NRAP: variants seen among roughly 807,000 people sequenced by gnomAD.
The protein encoded by NRAP is nebulin-related-anchoring protein.
Under a neutral mutation model 225.9 loss-of-function variants are expected in NRAP, and 189 were observed. The ratio of observed to expected loss-of-function variants is 0.84; its 90% CI spans 0.74 to 0.94. NRAP has a LOEUF of 0.94. Among genes scored for constraint, NRAP ranks in the 40% least tolerant of loss-of-function variants. The pLI is 0.00. For missense variants in NRAP, 2,176 were observed against 2,168.7 expected, an observed-to-expected ratio of 1.00 and a Z score of -0.07; for synonymous variants, 769 against 790.7, an observed-to-expected ratio of 0.97 and a Z score of 0.46.
intron 10 of NRAP, among the ~76,000 whole-genome samples, chr10:113,646,165 T>C (rs868316888): frequency 6.6e-6 from 1 of 152,300 alleles, no homozygotes; most frequent in South Asian, 2.1e-4. Context: ...TTATACTTTA[T>C]ACTCTAATTC....
At chr10:113,650,620 TC>T in intron 7 of NRAP, 75 bp from the exon 8 acceptor site, 1 of 974,698 alleles carries the variant, frequency 1.0e-6, no homozygotes, top group Non-Finnish European at 1.6e-6. Context: ...TGCTAAGGGT[TC>T]CATGACATCC....
intron 32 of NRAP, among the ~76,000 whole-genome samples, chr10:113,607,399 C>CAAAAAAAAAAAAAAAAAAAA (rs543627940): frequency 6.7e-4 from 46 of 68,600 alleles, no homozygotes; most frequent in Non-Finnish European, 8.8e-4. Context: ...GAAACTCCGT[C>CAAAAAAAAAAAAAAAAAAAA]AAAAAAAAAA....
Position 113,663,346 on chromosome 10 carries a change from A to G in NRAP, c.167+6T>C, listed in dbSNP as rs1850811087. On this transcript the variant is annotated splice_donor_region_variant and intron_variant, in intron 2 of 41. Transcript: ENST00000359988. ...AGAGGTAGTGGTGGGGGCATCAAAC[A>G]CTTACGCGTGACAGTACGGCTTTTT... 6.4e-7 allele frequency: 1 copy of G among 1,574,346 alleles called. No homozygotes were observed. Among genetic ancestry groups the G allele is most frequent in the Admixed American group, 1.7e-5 (1 of 59,920 alleles).
chr10:113,626,697 T>C (rs560535971), intron 20 of NRAP, among the ~76,000 whole-genome samples: 1 of 152,238 alleles, frequency 6.6e-6, no homozygotes, highest in East Asian at 1.9e-4. Flanking sequence ...CATGGTGTTA[T>C]CACAATTGTC....
At position 113,597,089 on chromosome 10, in the gene NRAP, A is replaced by G. The variant is rs1846324381; in HGVS notation, c.4428T>C (p.Asn1476=). ...VHAKNSYMHC[N]ERMYRSGDAE... is the part of the protein sequence containing the mutation. ...TGAATGACAAGAAAGGACCCACCTC[A>G]TTGCAGTGCATATAGCTGTTCTTGG... Residue 1476 remains asparagine (N), a synonymous_variant, in exon 37 of 42, where the codon AAT becomes AAC. Coordinates refer to ENST00000359988, the MANE Select transcript of NRAP (RefSeq NM_198060.4). 1 of 1,605,782 alleles carries G rather than the reference A, an allele frequency of 6.2e-7. No homozygotes were observed. The highest frequency in any genetic ancestry group is 2.2e-5 in the East Asian group (1 of 44,836).
Position 113,629,886 on chromosome 10 carries a change from G to A in NRAP, c.1843-101C>T, listed in dbSNP as rs574563860. 4.0e-4 allele frequency: 313 copies of A among 776,748 alleles called. 4 individuals are homozygous for A. The South Asian group carries it at 4.9e-3, about 12-fold the overall frequency. The allele number at this position is 776,748 out of a possible 1,614,324, so 48.1% of individuals were successfully genotyped here. A position where few individuals can be genotyped will look rare whatever the true frequency, so the allele number is the denominator to read the frequency against. The stretch of plus-strand genomic sequence containing the variant: ...AAGATTTCCGGGCTTTCGGGAGCAG[G>A]AGAATCGGCACTCTGGGCACTGCCA... On this transcript the variant is annotated intron_variant, in intron 18 of 41. Transcript: ENST00000359988.
chr10:113,606,079 C>T, intron 33 of NRAP, 99 bp downstream of exon 33: 2 of 947,160 alleles, frequency 2.1e-6, no homozygotes, highest in Non-Finnish European at 3.4e-6. Flanking sequence ...TTTTAAAAAG[C>T]TTCTGTGAAG....
At chr10:113,614,111 G>A in intron 29 of NRAP, 72 bp downstream of exon 29, 1 of 942,848 alleles carries the variant, frequency 1.1e-6, no homozygotes, top group Non-Finnish European at 1.8e-6. Context: ...GGACAAATGA[G>A]GTTAGGTTGC....
chr10:113,623,589 C>T lies in NRAP; in HGVS notation c.2397G>A (p.Glu799=). The T allele has an allele frequency of 6.2e-7, 1 of 1,614,042 alleles. No individual in the cohort carries two copies. The highest frequency in any genetic ancestry group is 8.5e-7 in the Non-Finnish European group (1 of 1,179,926). The stretch of plus-strand genomic sequence containing the variant: ...GGAAGGTCAAGGAATCAAGACGCAG[C>T]TCAAACCCTTTTGCTTTCTGGTTTT... ...SWENQKAKGF[E]LRLDSLTFLA... Residue 799 remains glutamate (E), a synonymous_variant, in exon 23 of 42, where the codon GAG becomes GAA. Coordinates refer to ENST00000359988, the MANE Select transcript of NRAP (RefSeq NM_198060.4).
At chr10:113,606,701 C>T (rs555641313) in intron 32 of NRAP, among the ~76,000 whole-genome samples, 2 of 152,316 alleles carry the variant, frequency 1.3e-5, no homozygotes, top group South Asian at 4.2e-4. Flanking sequence ...AGGATCCTTT[C>T]CACAGGTGAA....
intron 20 of NRAP, among the ~76,000 whole-genome samples, chr10:113,626,362 T>C (rs1326725724): frequency 6.6e-6 from 1 of 152,224 alleles, no homozygotes; most frequent in Admixed American, 6.5e-5. Flanking sequence ...ATGGGAAATG[T>C]AATTTTCTTC....
rs1014033 is a variant in NRAP, at chr10:113,597,732, A to G, written c.4332+237T>C. On this transcript the variant is annotated intron_variant, in intron 36 of 41. Transcript: ENST00000359988. ...GGGCCAGTTTAGATAACGATTGTAC[A>G]AAATGTATTTGTTGAGAACTTTCTA... Among the ~76,000 whole-genome samples the G allele has an allele frequency of 9.8e-3, 1,490 of 152,334 alleles. 26 individuals carry two copies. The highest frequency in any genetic ancestry group is 0.034 in the African/African-American group (1,430 of 41,568).
At position 113,622,198 on chromosome 10, in the gene NRAP, A is replaced by G. The variant is rs559099958; in HGVS notation, c.2458-18T>C. On this transcript the variant is annotated intron_variant, in intron 23 of 41. Coordinates refer to ENST00000359988, the MANE Select transcript of NRAP (RefSeq NM_198060.4). Reference sequence around the variant, plus strand: ...TACTTCACCTAAATAAGAGGAATAGAGCAGGGATACATTAGAACCTCCTAA... The same window carrying G: ...TACTTCACCTAAATAAGAGGAATAGGGCAGGGATACATTAGAACCTCCTAA... 26 of 1,571,642 alleles carry G rather than the reference A, an allele frequency of 1.7e-5. No individual in the cohort carries two copies. In the South Asian group the frequency reaches 2.8e-4, roughly 17 times the overall value.
chr10:113,603,206 G>A lies in NRAP; in HGVS notation c.4227+1403C>T, dbSNP rs115301340. Among the ~76,000 whole-genome samples, 262 of 152,238 alleles carry A rather than the reference G, an allele frequency of 1.7e-3. 2 individuals carry two copies. Among genetic ancestry groups the A allele is most frequent in the African/African-American group, 6.0e-3 (250 of 41,540 alleles). ...TCCATGCCATCGTTACCATGCCTGC[G>A]GCTTGGAGAGGACATGAACTTGTCC... On this transcript the variant is annotated intron_variant, in intron 35 of 41. Transcript: ENST00000359988.
rs1414628479 is a variant in NRAP at position 113,617,607 on chromosome 10, A to G, written c.2875-54T>C. 5 of 1,023,192 alleles carry G rather than the reference A, an allele frequency of 4.9e-6. No homozygotes were observed. The African/African-American group carries it at 6.3e-5, about 13-fold the overall frequency. 63.4% of individuals were successfully genotyped at this position (1,023,192 alleles called of 1,614,324 possible). On this transcript the variant is annotated intron_variant, in intron 25 of 41. Transcript: ENST00000359988. ...GAATTTTGTGCTGCTCTTTCATGCCATTTGAAAGAGAAAATCATAGGTTGC... is the reference window on the plus strand; with the variant it reads ...GAATTTTGTGCTGCTCTTTCATGCCGTTTGAAAGAGAAAATCATAGGTTGC...
chr10:113,654,074 G>A lies in NRAP; in HGVS notation c.412C>T (p.Leu138=), dbSNP rs978969413. 1 of 1,613,856 alleles carries A rather than the reference G, an allele frequency of 6.2e-7. No individual in the cohort carries two copies. The highest frequency in any genetic ancestry group is 2.2e-5 in the East Asian group (1 of 44,880). ...GEGNAWCPGA[L]PDPEIVRMVE... is the part of the protein sequence containing the mutation. ...ATCCTTACAATTTCGGGGTCTGGCA[G>A]AGCTCCTGGGCACCAAGCATTCCCT... Residue 138 remains leucine, a synonymous_variant, in exon 5 of 42, where the codon CTG becomes TTG. Transcript: ENST00000359988.
rs146231736 is a variant in NRAP at position 113,604,837 on chromosome 10, G to A, written c.3999C>T (p.His1333=). ...QSVRDDPRIQ[H]CRRMGQLQSE... is the part of the protein sequence containing the mutation. ...TCTGCAGCTGGCCCATGCGCCGGCAGTGCTGGATCCGGGGGTCGTCTCTTA... is the reference window on the plus strand; with the variant it reads ...TCTGCAGCTGGCCCATGCGCCGGCAATGCTGGATCCGGGGGTCGTCTCTTA... Residue 1333 remains histidine, a synonymous_variant, in exon 35 of 42, where the codon CAC becomes CAT. Transcript: ENST00000359988. The A allele has an allele frequency of 9.7e-5, 156 of 1,614,236 alleles. No individual in the cohort carries two copies. The African/African-American group carries it at 1.7e-3, about 17-fold the overall frequency.
intron 40 of NRAP, 91 bp downstream of exon 40, chr10:113,590,487 A>G (rs983637988): frequency 1.5e-6 from 2 of 1,296,760 alleles, no homozygotes; most frequent in Admixed American, 3.9e-5. Flanking sequence ...CAGCTCCCCC[A>G]GAAGCTAACA....
Position 113,622,094 on chromosome 10 carries a change from T to C in NRAP, c.2544A>G (p.Ser848=). Residue 848 remains serine, a synonymous_variant, in exon 24 of 42, where the codon TCA becomes TCG. Transcript: ENST00000359988. ...CACTCTGCAGCTTGGACATTTGCAGTGAGTGGCTCATTTGCGAATCTCCCT... is the reference window on the plus strand; with the variant it reads ...CACTCTGCAGCTTGGACATTTGCAGCGAGTGGCTCATTTGCGAATCTCCCT... ...DVQGDSQMSH[S]LQMSKLQSEL... is the part of the protein sequence containing the mutation. The C allele has an allele frequency of 1.2e-6, 2 of 1,614,152 alleles. No homozygotes were observed. The highest frequency in any genetic ancestry group is 1.7e-6 in the Non-Finnish European group (2 of 1,179,960).
Sources: gnomAD v4.1 joint callset for allele counts (sites outside exome capture counted in the v4.1 genomes callset) on GRCh38, gnomAD v4.1.1 for gene constraint, MANE v1.5 for transcripts, NCBI Gene and HGNC (gene_info 2026-07-23, HGNC 2026-07-21) for gene names.